Variants in ALMS1 observed in about 807,000 individuals in gnomAD.
The protein encoded by ALMS1 is ALMS1 centrosome and basal body associated protein, also known as centrosome-associated protein ALMS1.
ALMS1 carries 271 observed loss-of-function variants against 352.2 expected under a neutral mutation model. The ratio of observed to expected loss-of-function variants is 0.77; its 90% confidence interval spans 0.70 to 0.85. The LOEUF (loss-of-function observed/expected upper bound fraction) is 0.85. Ranked by LOEUF, ALMS1 falls within the 40% of genes least tolerant of loss-of-function variation. ALMS1 has a pLI of 0.00. For synonymous variants in ALMS1, 1,865 were observed against 1,761.2 expected (o/e 1.06, Z -1.48); for missense variants, 5,445 against 4,870.7 (o/e 1.12, Z -3.51).
At position 73,448,148 on chromosome 2, in the gene ALMS1, A is replaced by G. The variant is rs1671844668; in HGVS notation, c.1621A>G (p.Thr541Ala). Residue 541 changes from threonine to alanine, a missense_variant, in exon 8 of 23, where the codon ACA becomes GCA. By Grantham distance (58) the Thr-to-Ala change is moderately conservative (BLOSUM62 0). Transcript: ENST00000613296. ...ACACACTGATACTCTCAACCAAAAG[A>G]CATTAGCAGATACTCATCTAACTGA... ...GQHTDTLNQKTLADTHLTEET... is the reference protein window; with the variant it reads ...GQHTDTLNQKALADTHLTEET... 1.2e-6 allele frequency: 2 copies of G among 1,614,006 alleles called. No homozygotes were observed. The highest frequency in any genetic ancestry group is 2.2e-5 in the East Asian group (1 of 44,870).
In ALMS1 at chr2:73,449,537, T is replaced by G. The variant is rs1671882551; in HGVS notation, c.3010T>G (p.Ser1004Ala). 1 of 1,614,028 alleles carries G rather than the reference T, an allele frequency of 6.2e-7. No homozygotes were observed. The highest frequency in any genetic ancestry group is 8.5e-7 in the Non-Finnish European group (1 of 1,179,970). The change falls in exon 8 of 23, where the codon TCA (serine) becomes GCA (alanine). Residue 1004 changes from serine to alanine, a missense_variant. Ser to Ala is a moderately conservative substitution (Grantham distance 99). Transcript: ENST00000613296. ...ACCAACAGTACCTTCAGGTTCCTTC[T>G]CACATAGAGAGAAGCCCAGTATTTT... ...PTPTVPSGSF[S>A]HREKPSIFYQ...
chr2:73,488,619 C>G (rs1304516974), intron 9 of ALMS1, among the ~76,000 whole-genome samples: 1 of 152,188 alleles, frequency 6.6e-6, no homozygotes, highest in Admixed American at 6.5e-5. Context: ...GCGAGTAGCC[C>G]TAGCTGTTCC....
rs775781674 is a variant in ALMS1, at chr2:73,449,675, T to A, written c.3148T>A (p.Tyr1050Asn). The change falls in exon 8 of 23, where the codon TAC (tyrosine) becomes AAC (asparagine). Residue 1050 changes from tyrosine to asparagine, a missense_variant. Transcript: ENST00000613296. The part of the protein sequence containing the change: ...TEIPAVQSSS[Y>N]PQREKPSVLY... ...GATACCAGCAGTACAGTCTAGTTCTTACCCACAGAGGGAGAAGCCTAGTGT... is the reference window on the plus strand; with the variant it reads ...GATACCAGCAGTACAGTCTAGTTCTAACCCACAGAGGGAGAAGCCTAGTGT... The A allele has an allele frequency of 6.2e-7, 1 of 1,614,068 alleles. No individual in the cohort carries two copies. The highest frequency in any genetic ancestry group is 8.5e-7 in the Non-Finnish European group (1 of 1,179,936).
chr2:73,440,612 A>G (rs1360284196), intron 7 of ALMS1, among the ~76,000 whole-genome samples: 2 of 151,518 alleles, frequency 1.3e-5, no homozygotes, highest in African/African-American at 4.9e-5. Context: ...TTTAGTAGAG[A>G]CGGGGTTTCA....
intron 16 of ALMS1, among the ~76,000 whole-genome samples, chr2:73,585,392 C>CT (rs760209126): frequency 0.028 from 3,378 of 122,530 alleles, 143 homozygotes; most frequent in African/African-American, 0.066. Context: ...TGATGATGAG[C>CT]TTTTTTTTTT....
chr2:73,422,602 C>G (rs946191252), intron 3 of ALMS1, among the ~76,000 whole-genome samples: 1 of 151,972 alleles, frequency 6.6e-6, no homozygotes, highest in Non-Finnish European at 1.5e-5. Context: ...GTTTCCTCAC[C>G]TATAAGATAT....
chr2:73,424,895 T>C lies in ALMS1; in HGVS notation c.1230T>C (p.Tyr410=). The change falls in exon 5 of 23, where the codon TAT becomes TAC. Residue 410 remains tyrosine (Y), a synonymous_variant. Transcript: ENST00000613296. ...QEDSSKQAET[Y]LTKGLQGKVE... ...ATTCATCTAAGCAGGCAGAAACATA[T>C]TTAACCAGTAAGTACCCTGATTCTT... 1.3e-6 allele frequency: 2 copies of C among 1,599,976 alleles called. No individual in the cohort carries two copies. Among genetic ancestry groups the C allele is most frequent in the Non-Finnish European group, 8.5e-7 (1 of 1,172,406 alleles).
At chr2:73,390,794 G>A (rs1670627629) in intron 1 of ALMS1, among the ~76,000 whole-genome samples, 1 of 151,310 alleles carries the variant, frequency 6.6e-6, no homozygotes, top group Non-Finnish European at 1.5e-5. Flanking sequence ...TTAAGATGGA[G>A]TCTCTCGCTT....
intron 10 of ALMS1, among the ~76,000 whole-genome samples, chr2:73,506,149 A>G (rs1673315729): frequency 6.6e-6 from 1 of 152,084 alleles, no homozygotes; most frequent in African/African-American, 2.4e-5. Flanking sequence ...TGGTCTATGT[A>G]TCTGTTTTGG....
intron 2 of ALMS1, among the ~76,000 whole-genome samples, chr2:73,412,570 A>C (rs999766339): frequency 2.0e-5 from 3 of 152,126 alleles, no homozygotes; most frequent in Non-Finnish European, 2.9e-5. Context: ...TGGGTGGATC[A>C]CTTGAGGTCA....
chr2:73,558,837 T>C (rs1334171484), intron 14 of ALMS1, 135 bp from the exon 15 acceptor site: 1 of 957,882 alleles, frequency 1.0e-6, no homozygotes, highest in Non-Finnish European at 1.6e-6. Context: ...AATTATTTTC[T>C]AAACGCATTT....
chr2:73,519,554 A>C (rs1253275216), intron 10 of ALMS1, among the ~76,000 whole-genome samples: 1 of 152,260 alleles, frequency 6.6e-6, no homozygotes, highest in Non-Finnish European at 1.5e-5. Flanking sequence ...ATTCTAAATT[A>C]AAAGTAGGTT....
chr2:73,395,072 ATATATATT>A (rs1486776734), intron 1 of ALMS1, among the ~76,000 whole-genome samples: 5 of 107,614 alleles, frequency 4.6e-5, no homozygotes, highest in African/African-American at 1.8e-4. Context: ...ATATATATAT[ATATATATT>A]TTTTTTTTTT....
intron 1 of ALMS1, among the ~76,000 whole-genome samples, chr2:73,386,940 T>G (rs1670552403): frequency 6.6e-6 from 1 of 152,360 alleles, no homozygotes; most frequent in South Asian, 2.1e-4. Flanking sequence ...CAGTAGCCAC[T>G]GGCCACGTGT....
chr2:73,404,094 C>T (rs929589204), intron 1 of ALMS1, among the ~76,000 whole-genome samples: 1 of 152,130 alleles, frequency 6.6e-6, no homozygotes, highest in African/African-American at 2.4e-5. Flanking sequence ...GATGGGGTTT[C>T]ACCATTGCTG....
At chr2:73,516,147 C>T (rs192149927) in intron 10 of ALMS1, among the ~76,000 whole-genome samples, 356 of 152,218 alleles carry the variant, frequency 2.3e-3, no homozygotes, top group Non-Finnish European at 4.0e-3. Flanking sequence ...CATGAACAGA[C>T]GCTTCTCAAA....
intron 1 of ALMS1, among the ~76,000 whole-genome samples, chr2:73,398,813 A>G (rs1670815477): frequency 6.6e-6 from 1 of 151,984 alleles, no homozygotes. Flanking sequence ...AGTTTTACTT[A>G]TTAATTCCAG....
At chr2:73,465,381 A>T (rs1672311774) in intron 9 of ALMS1, among the ~76,000 whole-genome samples, 1 of 152,226 alleles carries the variant, frequency 6.6e-6, no homozygotes, top group Non-Finnish European at 1.5e-5. Flanking sequence ...AAAACAAGAA[A>T]TGGGGAAAGG....
intron 9 of ALMS1, chr2:73,462,729 A>T (rs1231398112): frequency 6.6e-6 from 1 of 152,238 alleles, no homozygotes; most frequent in South Asian, 2.1e-4. Flanking sequence ...GTGCAGAGAC[A>T]CACATAGGCT....
Sources: gnomAD v4.1 joint callset for allele counts (sites outside exome capture counted in the v4.1 genomes callset) on GRCh38, gnomAD v4.1.1 for gene constraint, MANE v1.5 for transcripts, NCBI Gene and HGNC (gene_info 2026-07-23, HGNC 2026-07-21) for gene names.